Variants in CPLX2 observed in about 807,000 individuals in gnomAD.
CPLX2 encodes the protein complexin-2.
In CPLX2, 5 loss-of-function variants were observed where a neutral mutation model predicts 16.3. The ratio of observed to expected loss-of-function variants is 0.31; its 90% CI spans 0.16 to 0.64. CPLX2 has a LOEUF of 0.64. Among genes scored for constraint, CPLX2 ranks in the 30% least tolerant of loss-of-function variants. The pLI is 0.79. For missense variants in CPLX2, 144 were observed against 181.4 expected, an observed-to-expected ratio of 0.79 and a Z score of 1.18; for synonymous variants, 89 against 73.2, an observed-to-expected ratio of 1.22 and a Z score of -1.10.
At chr5:175,796,798 G>GC (rs1190852308) in intron 1 of CPLX2, 1 of 152,250 alleles carries the variant, frequency 6.6e-6, no homozygotes, top group Non-Finnish European at 1.5e-5. Flanking sequence ...CGTAGAACGC[G>GC]CGCTCGCTCC....
At chr5:175,876,750 T>C (rs1185876885) in intron 1 of CPLX2, among the ~76,000 whole-genome samples, 1 of 152,196 alleles carries the variant, frequency 6.6e-6, no homozygotes, top group African/African-American at 2.4e-5. Flanking sequence ...CACCTGGTAA[T>C]TCCTTGAGCT....
chr5:175,868,221 CT>C (rs1759513893), upstream of CPLX2, among the ~76,000 whole-genome samples: 1 of 152,188 alleles, frequency 6.6e-6, no homozygotes, highest in Admixed American at 6.5e-5. Flanking sequence ...CCAGGATGCC[CT>C]CTGGGCTGAG....
At chr5:175,869,740 C>A (rs182917226), upstream of CPLX2, among the ~76,000 whole-genome samples, 105 of 152,270 alleles carry the variant, frequency 6.9e-4, no homozygotes, top group African/African-American at 2.2e-3. Context: ...TTTCCAGGTG[C>A]CCACCACCAA....
At chr5:175,825,109 G>A (rs553445982) in intron 2 of CPLX2, among the ~76,000 whole-genome samples, 19 of 151,964 alleles carry the variant, frequency 1.3e-4, no homozygotes, top group South Asian at 4.2e-4. Flanking sequence ...TTAACTTGGC[G>A]AACTGGACCG....
intron 1 of CPLX2, among the ~76,000 whole-genome samples, chr5:175,877,188 G>C (rs1379686493): frequency 2.6e-5 from 4 of 150,958 alleles, no homozygotes; most frequent in Non-Finnish European, 4.4e-5. Context: ...AGGTGTGTCT[G>C]ATGCCAAAGC....
intron 2 of CPLX2, among the ~76,000 whole-genome samples, chr5:175,851,996 G>A (rs1759165460): frequency 6.6e-6 from 1 of 152,194 alleles, no homozygotes; most frequent in African/African-American, 2.4e-5. Context: ...TCTACACAGG[G>A]GGCTGAACAG....
chr5:175,808,414 T>C (rs936058583), intron 1 of CPLX2, among the ~76,000 whole-genome samples: 1 of 151,974 alleles, frequency 6.6e-6, no homozygotes, highest in Non-Finnish European at 1.5e-5. Context: ...ACGGAATGCA[T>C]GGTGCCCCCT....
At chr5:175,869,781 C>G (rs1252757339), upstream of CPLX2, among the ~76,000 whole-genome samples, 2 of 152,158 alleles carry the variant, frequency 1.3e-5, no homozygotes, top group African/African-American at 2.4e-5. Context: ...GACATACTCA[C>G]GTTTGTCAAA....
rs1359145597 is a variant in CPLX2, at chr5:175,845,395, C to G, written c.-88-33257C>G. On this transcript the variant is annotated intron_variant, in intron 2 of 4. Transcript: ENST00000359546. This position sits in a 1 kb window ranked among gnomAD's most constrained non-coding sequence, Gnocchi z 4.0. ...CTGCTCCCACACTGCAGCCACATGG[C>G]CTTTGGTCTATTGCTCCAAAGCACC... Among the ~76,000 whole-genome samples the G allele has an allele frequency of 2.0e-5, 3 of 152,226 alleles. No individual in the cohort carries two copies. The highest frequency in any genetic ancestry group is 7.2e-5 in the African/African-American group (3 of 41,458).
At chr5:175,871,735 G>A (rs1254384861) in intron 1 of CPLX2, 30 bp downstream of exon 1, 1 of 152,712 alleles carries the variant, frequency 6.5e-6, no homozygotes, top group Non-Finnish European at 1.5e-5. Flanking sequence ...CGGGAGGGCG[G>A]AGCTGGGCTG....
At chr5:175,828,312 C>T (rs1313299330) in intron 2 of CPLX2, among the ~76,000 whole-genome samples, 3 of 152,106 alleles carry the variant, frequency 2.0e-5, no homozygotes, top group East Asian at 1.9e-4. Flanking sequence ...ATTGGAACAG[C>T]GAGCTACAGA....
At chr5:175,799,747 G>T (rs1252550070) in intron 1 of CPLX2, among the ~76,000 whole-genome samples, 2 of 150,514 alleles carry the variant, frequency 1.3e-5, no homozygotes, top group Non-Finnish European at 3.0e-5. Flanking sequence ...TGCCCAGGCT[G>T]GTCTCAAACT....
intron 1 of CPLX2, among the ~76,000 whole-genome samples, chr5:175,808,702 G>A (rs915996564): frequency 6.6e-6 from 1 of 152,178 alleles, no homozygotes; most frequent in Admixed American, 6.5e-5. Flanking sequence ...GAAAAGTATG[G>A]TCAATTGTAC....
rs144476448 is a variant in CPLX2, at chr5:175,830,227, C to T, written c.-89+21159C>T. 4.7e-3 allele frequency among the ~76,000 whole-genome samples: 711 copies of T among 152,334 alleles called. 6 individuals are homozygous for T. The highest frequency in any genetic ancestry group is 0.012 in the South Asian group (60 of 4,830). On this transcript the variant is annotated intron_variant, in intron 2 of 4. Coordinates refer to the CPLX2 transcript ENST00000359546. This position sits in a 1 kb window ranked among gnomAD's most constrained non-coding sequence, Gnocchi z 4.0. ...CAGAGCTGCCCTGGTTCCCTGCCCCCGGGGGAGCACAGCCCAGCAAGAGGG... is the reference window on the plus strand; with the variant it reads ...CAGAGCTGCCCTGGTTCCCTGCCCCTGGGGGAGCACAGCCCAGCAAGAGGG...
At chr5:175,812,587 C>T (rs903548769) in intron 2 of CPLX2, among the ~76,000 whole-genome samples, 3 of 152,080 alleles carry the variant, frequency 2.0e-5, no homozygotes, top group South Asian at 2.1e-4. Context: ...AAGGTAGAGA[C>T]GCCTAGCCAG....
chr5:175,847,960 A>C (rs1233897647), intron 2 of CPLX2, among the ~76,000 whole-genome samples: 1 of 152,246 alleles, frequency 6.6e-6, no homozygotes, highest in African/African-American at 2.4e-5. Flanking sequence ...TAACAGCTTC[A>C]TCACAGGGCT....
intron 2 of CPLX2, among the ~76,000 whole-genome samples, chr5:175,812,686 G>T (rs1758335356): frequency 6.6e-6 from 1 of 152,142 alleles, no homozygotes; most frequent in African/African-American, 2.4e-5. Flanking sequence ...ACAGGGTGGT[G>T]CAATGTGAGC....
chr5:175,860,478 GA>G (rs1759342582), intron 2 of CPLX2, among the ~76,000 whole-genome samples: 1 of 136,308 alleles, frequency 7.3e-6, no homozygotes, highest in South Asian at 2.4e-4. Flanking sequence ...GAGAGAGAAA[GA>G]AGAAAGAAAG....
chr5:175,821,786 G>A (rs545242079), intron 2 of CPLX2, among the ~76,000 whole-genome samples: 15 of 152,328 alleles, frequency 9.8e-5, no homozygotes, highest in South Asian at 8.3e-4. Flanking sequence ...CCCCTACCGG[G>A]TGCAGGCATA....
Sources: allele counts gnomAD v4.1 joint callset (sites outside exome capture counted in the v4.1 genomes callset), GRCh38; gene constraint gnomAD v4.1.1; non-coding constraint Gnocchi (gnomAD v3.1); transcripts MANE v1.5; gene names NCBI Gene and HGNC (gene_info 2026-07-23, HGNC 2026-07-21).